The following RAVER2 variants were observed in gnomAD, a reference collection of about 807,000 sequenced individuals.
RAVER2 encodes the protein ribonucleoprotein PTB-binding 2.
A neutral mutation model predicts 78.1 loss-of-function variants in RAVER2; 46 were observed. The observed-to-expected ratio is 0.59, with a 90% confidence interval of 0.46 to 0.75. The LOEUF is 0.75. Among genes scored for constraint, RAVER2 ranks in the 30% least tolerant of loss-of-function variants. The pLI is 0.00. For missense variants in RAVER2, 793 were observed against 837.5 expected, an observed-to-expected ratio of 0.95 and a Z score of 0.66; for synonymous variants, 311 against 313.3, an observed-to-expected ratio of 0.99 and a Z score of 0.08.
intron 5 of RAVER2, among the ~76,000 whole-genome samples, chr1:64,802,295 A>G (rs928889796): frequency 6.6e-6 from 1 of 152,232 alleles, no homozygotes; most frequent in Non-Finnish European, 1.5e-5. Flanking sequence ...AATGCAGCTC[A>G]GCAGGTCTCA....
chr1:64,785,945 G>A (rs1490860801), intron 4 of RAVER2, among the ~76,000 whole-genome samples: 2 of 151,914 alleles, frequency 1.3e-5, no homozygotes, highest in African/African-American at 4.8e-5. Context: ...TCCTTCTAGG[G>A]CATTTTGAAA....
chr1:64,770,721 C>T (rs1166808436), intron 2 of RAVER2, among the ~76,000 whole-genome samples: 1 of 151,804 alleles, frequency 6.6e-6, no homozygotes, highest in African/African-American at 2.4e-5. Context: ...AAAGATTGAA[C>T]ATGGTAAATA....
rs1363262323 is a variant in RAVER2 at position 64,781,576 on chromosome 1, G to T, written c.978+5G>T. 6.2e-7 allele frequency: 1 copy of T among 1,605,052 alleles called. No homozygotes were observed. The highest frequency in any genetic ancestry group is 8.5e-7 in the Non-Finnish European group (1 of 1,176,810). ...TTGATAGCGGCTCAACGTGTGGTAA[G>T]TTTTTTCTCTTTCTGTCTCTTTTTT... On this transcript the variant is annotated splice_donor_5th_base_variant and intron_variant, in intron 4 of 11. Transcript: ENST00000294428.
In RAVER2 at chr1:64,804,726, T is replaced by C. The variant is rs772562622; in HGVS notation, c.1192-8T>C. 7.5e-7 allele frequency: 1 copy of C among 1,337,886 alleles called. No individual in the cohort carries two copies. Among genetic ancestry groups the C allele is most frequent in the Non-Finnish European group, 1.1e-6 (1 of 944,400 alleles). The allele number at this position is 1,337,886 out of a possible 1,614,324, so 82.9% of individuals were successfully genotyped here. ...AATTAAACTGACAACGTTTTGTCAT[T>C]TTCACAGAGCTCAGTTATGGGTAAT... On this transcript the variant is annotated splice_region_variant and splice_polypyrimidine_tract_variant and intron_variant, in intron 6 of 11. Coordinates refer to ENST00000294428, the Ensembl canonical transcript of RAVER2.
At chr1:64,768,702 T>G in exon 2 of RAVER2, 2 of 1,558,068 alleles carry the variant, frequency 1.3e-6, no homozygotes, top group Non-Finnish European at 1.8e-6. Flanking sequence ...TATTGTTATG[T>G]GGACAGAAAT....
chr1:64,780,544 C>T (rs1462198803), intron 3 of RAVER2, among the ~76,000 whole-genome samples: 1 of 152,102 alleles, frequency 6.6e-6, no homozygotes, highest in Non-Finnish European at 1.5e-5. Context: ...AGATGCCACA[C>T]CCAAATAGAA....
chr1:64,745,291 G>T lies in RAVER2; in HGVS notation c.119G>T (p.Gly40Val). 6.8e-7 allele frequency: 1 copy of T among 1,465,800 alleles called. No individual in the cohort carries two copies. The highest frequency in any genetic ancestry group is 3.1e-5 in the East Asian group (1 of 32,618). 90.8% of individuals were successfully genotyped at this position (1,465,800 alleles called of 1,614,324 possible). A position where few individuals can be genotyped will look rare whatever the true frequency, so the allele number is the denominator to read the frequency against. Reference sequence around the variant, plus strand: ...GGCCCCTCAGCCGAAGCGCACGAGGGCGCCCCGGACCCGATGCCCGCCGCG... The same window carrying T: ...GGCCCCTCAGCCGAAGCGCACGAGGTCGCCCCGGACCCGATGCCCGCCGCG... The change falls in exon 1 of 12, where the codon GGC becomes GTC. Residue 40 changes from glycine (G) to valine (V), a missense_variant. Coordinates refer to ENST00000294428, the Ensembl canonical transcript of RAVER2. The surrounding 1 kb of genome is among the most constrained non-coding windows in gnomAD (Gnocchi z 4.3).
At chr1:64,781,153 T>A (rs1652614174) in intron 3 of RAVER2, among the ~76,000 whole-genome samples, 1 of 152,180 alleles carries the variant, frequency 6.6e-6, no homozygotes, top group African/African-American at 2.4e-5. Context: ...TTAAAATAAA[T>A]TAGAAAATTA....
At chr1:64,757,061 G>A (rs942014364) in intron 1 of RAVER2, among the ~76,000 whole-genome samples, 1 of 152,182 alleles carries the variant, frequency 6.6e-6, no homozygotes, top group African/African-American at 2.4e-5. Context: ...CCTCTGTAAA[G>A]ATACTATTTT....
chr1:64,770,855 A>G (rs955870311), intron 2 of RAVER2, among the ~76,000 whole-genome samples: 7 of 152,070 alleles, frequency 4.6e-5, no homozygotes, highest in African/African-American at 1.7e-4. Flanking sequence ...AAATTAGTGA[A>G]CTTGAAAACA....
chr1:64,800,558 T>C (rs1425659360), intron 5 of RAVER2, among the ~76,000 whole-genome samples: 1 of 152,208 alleles, frequency 6.6e-6, no homozygotes, highest in South Asian at 2.1e-4. Flanking sequence ...CTGAAGTTAT[T>C]TGTCTAAGTC....
At chr1:64,785,737 C>T (rs1200126980) in intron 4 of RAVER2, among the ~76,000 whole-genome samples, 2 of 152,114 alleles carry the variant, frequency 1.3e-5, no homozygotes, top group Non-Finnish European at 2.9e-5. Flanking sequence ...TTCTCACCTC[C>T]ATCTGCTTCC....
At chr1:64,756,363 C>T (rs1049517611) in intron 1 of RAVER2, among the ~76,000 whole-genome samples, 2 of 152,024 alleles carry the variant, frequency 1.3e-5, no homozygotes, top group African/African-American at 4.8e-5. Flanking sequence ...TTCAAGCATT[C>T]AGTTTATTCA....
chr1:64,812,073 C>T (rs542558640), intron 9 of RAVER2, among the ~76,000 whole-genome samples: 5 of 152,044 alleles, frequency 3.3e-5, no homozygotes, highest in African/African-American at 4.8e-5. Context: ...AGGCCAGGCG[C>T]GGTGGGTCAC....
chr1:64,821,576 A>G, intron 11 of RAVER2, among the ~76,000 whole-genome samples: 1 of 152,224 alleles, frequency 6.6e-6, no homozygotes, highest in Non-Finnish European at 1.5e-5. Context: ...GAACAGGCAC[A>G]TAGACCAATG....
At chr1:64,832,566 CTTG>C (rs1472474641) in exon 12 of RAVER2, 3 of 152,066 alleles carry the variant, frequency 2.0e-5, no homozygotes, top group African/African-American at 4.8e-5. Context: ...ACTTTGGGGA[CTTG>C]TTATTTTTAA....
At chr1:64,797,403 CTGT>C (rs960430560) in intron 5 of RAVER2, among the ~76,000 whole-genome samples, 13 of 152,222 alleles carry the variant, frequency 8.5e-5, no homozygotes, top group South Asian at 2.1e-4. Context: ...ATTGTTGTTT[CTGT>C]TGTTGTTATA....
intron 4 of RAVER2, among the ~76,000 whole-genome samples, chr1:64,782,813 T>C (rs1652668149): frequency 6.6e-6 from 1 of 152,134 alleles, no homozygotes; most frequent in Non-Finnish European, 1.5e-5. Context: ...ACATGTGCCA[T>C]GTTGGTTTGC....
chr1:64,782,725 T>G (rs1652665074), intron 4 of RAVER2, among the ~76,000 whole-genome samples: 1 of 151,858 alleles, frequency 6.6e-6, no homozygotes, highest in South Asian at 2.1e-4. Flanking sequence ...GGTTGCAGAG[T>G]GAATATGAGG....
Sources: gnomAD v4.1 joint callset for allele counts (sites outside exome capture counted in the v4.1 genomes callset) on GRCh38, gnomAD v4.1.1 for gene constraint, Gnocchi (gnomAD v3.1) non-coding constraint, MANE v1.5 for transcripts, NCBI Gene and HGNC (gene_info 2026-07-23, HGNC 2026-07-21) for gene names.